Variants in ATP8B4 observed in about 807,000 individuals in gnomAD.
ATP8B4 encodes the protein ATPase phospholipid transporting 8B4 (putative), also known as probable phospholipid-transporting ATPase IM.
ATP8B4 carries 133 observed loss-of-function variants against 145.6 expected under a neutral mutation model. That is an observed-to-expected ratio of 0.91 (90% CI 0.79 to 1.05). The LOEUF is 1.05. Ranked by LOEUF, ATP8B4 falls within the 50% of genes least tolerant of loss-of-function variation. ATP8B4 has a pLI of 0.00. For missense variants in ATP8B4, 1,458 were observed against 1,425.2 expected, an observed-to-expected ratio of 1.02 and a Z score of -0.37; for synonymous variants, 507 against 492.9, an observed-to-expected ratio of 1.03 and a Z score of -0.38.
chr15:50,113,764 G>A (rs1001699985), intron 1 of ATP8B4, among the ~76,000 whole-genome samples: 5 of 148,590 alleles, frequency 3.4e-5, no homozygotes, highest in Non-Finnish European at 5.9e-5. Context: ...ACTTGAGCCC[G>A]GGAGGCAGAG....
chr15:50,138,292 G>A (rs547312089), intron 1 of ATP8B4, among the ~76,000 whole-genome samples: 23 of 151,698 alleles, frequency 1.5e-4, no homozygotes, highest in Admixed American at 4.0e-4. Flanking sequence ...AGCATTGCAG[G>A]TCCAGATAGA....
At chr15:49,959,502 A>G (rs1164886485) in intron 14 of ATP8B4, among the ~76,000 whole-genome samples, 1 of 152,132 alleles carries the variant, frequency 6.6e-6, no homozygotes. Context: ...TTAAAAGTAA[A>G]AAAGTTAGAA....
intron 6 of ATP8B4, among the ~76,000 whole-genome samples, chr15:50,011,554 A>G (rs1328550680): frequency 6.6e-6 from 1 of 152,174 alleles, no homozygotes; most frequent in African/African-American, 2.4e-5. Context: ...CTTTCTGTGC[A>G]GGTCATGTAT....
At chr15:50,023,625 A>G (rs1350535845) in intron 6 of ATP8B4, among the ~76,000 whole-genome samples, 2 of 152,044 alleles carry the variant, frequency 1.3e-5, no homozygotes, top group African/African-American at 4.8e-5. Context: ...AATGAGATAC[A>G]GAGCAAAGAC....
Position 49,981,249 on chromosome 15 carries a change from T to C in ATP8B4, c.794A>G (p.Lys265Arg). Residue 265 changes from lysine to arginine, a missense_variant, in exon 11 of 28, where the codon AAA (lysine) becomes AGA (arginine). Coordinates refer to ENST00000284509, the MANE Select transcript of ATP8B4 (RefSeq NM_024837.4). ...LMQNSGKTKF[K>R]RTSIDRLMNT... is the part of the protein sequence containing the mutation. ...CATCAATCTATCAATGCTTGTCCTT[T>C]TAAACTTTGTCTTACCACTATTCTG... 6.2e-7 allele frequency: 1 copy of C among 1,610,830 alleles called. No individual in the cohort carries two copies. The highest frequency in any genetic ancestry group is 8.5e-7 in the Non-Finnish European group (1 of 1,178,916).
intron 6 of ATP8B4, among the ~76,000 whole-genome samples, chr15:50,018,590 G>C (rs1385788659): frequency 6.6e-6 from 1 of 152,200 alleles, no homozygotes; most frequent in African/African-American, 2.4e-5. Context: ...TGACCTCAGT[G>C]TTAGATTGTT....
intron 6 of ATP8B4, among the ~76,000 whole-genome samples, chr15:50,020,436 A>AT (rs2049459561): frequency 1.3e-5 from 2 of 150,234 alleles, no homozygotes; most frequent in African/African-American, 2.4e-5. Context: ...TGCCTGGCTA[A>AT]TTTTTTTGTA....
intron 5 of ATP8B4, among the ~76,000 whole-genome samples, chr15:50,041,526 G>A (rs527320172): frequency 6.6e-6 from 1 of 152,256 alleles, no homozygotes; most frequent in African/African-American, 2.4e-5. Flanking sequence ...AATTCTATAA[G>A]AAGAGACCCC....
intron 6 of ATP8B4, among the ~76,000 whole-genome samples, chr15:50,016,691 C>T (rs2049115047): frequency 6.6e-6 from 1 of 152,078 alleles, no homozygotes; most frequent in Admixed American, 6.5e-5. Context: ...AGGATGACCC[C>T]AGAAAGGAGG....
chr15:50,174,272 T>A (rs575284159), intron 1 of ATP8B4, among the ~76,000 whole-genome samples: 5 of 152,158 alleles, frequency 3.3e-5, no homozygotes, highest in Non-Finnish European at 7.4e-5. Flanking sequence ...CTCTTCAGCA[T>A]AGTACTGGAA....
chr15:50,022,644 G>A (rs779998363), intron 6 of ATP8B4, among the ~76,000 whole-genome samples: 2 of 152,152 alleles, frequency 1.3e-5, no homozygotes, highest in East Asian at 3.9e-4. Context: ...ACTGCGACAC[G>A]CTCCCCTGGC....
At chr15:49,930,395 C>CTA (rs1309957825) in intron 16 of ATP8B4, among the ~76,000 whole-genome samples, 14 of 151,974 alleles carry the variant, frequency 9.2e-5, no homozygotes, top group Non-Finnish European at 1.5e-5. Flanking sequence ...TTTAGAATAT[C>CTA]TATTGTGAAA....
intron 1 of ATP8B4, among the ~76,000 whole-genome samples, chr15:50,127,693 C>A (rs573809939): frequency 2.6e-5 from 4 of 152,266 alleles, no homozygotes; most frequent in South Asian, 4.1e-4. Flanking sequence ...AGAAATTGAT[C>A]CTACAGAACT....
At chr15:50,045,127 G>A (rs969739731) in intron 4 of ATP8B4, among the ~76,000 whole-genome samples, 20 of 152,152 alleles carry the variant, frequency 1.3e-4, no homozygotes, top group East Asian at 1.9e-4. Context: ...TTTAATCCTC[G>A]GAAAAGTTCA....
chr15:49,961,796 CTG>C lies in ATP8B4; in HGVS notation c.1287+179_1287+180del, dbSNP rs2044102850. ...TCAAGAATAAAAAATAGAAGGAACT[CTG>C]TGGTTGGTTCAGTAATATGAGAAGG... is the stretch of plus-strand genomic sequence containing the variant. On this transcript the variant is annotated intron_variant, in intron 14 of 27. Coordinates refer to ENST00000284509, the MANE Select transcript of ATP8B4 (RefSeq NM_024837.4). Among the ~76,000 whole-genome samples the C allele has an allele frequency of 3.3e-5, 5 of 152,002 alleles. 1 individual carries two copies. The South Asian group carries it at 1.0e-3, about 32-fold the overall frequency.
At chr15:49,946,541 A>AT (rs995940727) in intron 14 of ATP8B4, among the ~76,000 whole-genome samples, 3 of 151,102 alleles carry the variant, frequency 2.0e-5, no homozygotes, top group Non-Finnish European at 4.4e-5. Context: ...TCATTCAAGC[A>AT]TTTTCCTGTG....
chr15:50,001,452 C>T (rs1343947391), intron 8 of ATP8B4, among the ~76,000 whole-genome samples: 4 of 152,158 alleles, frequency 2.6e-5, no homozygotes, highest in Non-Finnish European at 4.4e-5. Context: ...CTGCCAGGTT[C>T]GAGTCCTGGC....
chr15:50,080,990 C>T (rs1382575253), intron 2 of ATP8B4, among the ~76,000 whole-genome samples: 1 of 151,914 alleles, frequency 6.6e-6, no homozygotes, highest in Non-Finnish European at 1.5e-5. Context: ...GCGGGCACCT[C>T]TAGTCCCAGC....
chr15:49,900,011 T>C (rs570098481), intron 21 of ATP8B4, among the ~76,000 whole-genome samples: 2 of 152,302 alleles, frequency 1.3e-5, no homozygotes, highest in East Asian at 3.9e-4. Context: ...AAAGTCAAAG[T>C]ATAACTCATA....
Sources: allele counts gnomAD v4.1 joint callset (sites outside exome capture counted in the v4.1 genomes callset), GRCh38; gene constraint gnomAD v4.1.1; transcripts MANE v1.5; gene names NCBI Gene and HGNC (gene_info 2026-07-23, HGNC 2026-07-21).